Variants in UTRN observed in about 807,000 individuals in gnomAD.
The protein encoded by UTRN is dystrophin-related protein 1.
A neutral mutation model predicts 463.9 loss-of-function variants in UTRN; 283 were observed. That is an observed-to-expected ratio of 0.61 (90% CI 0.55 to 0.67). UTRN has a LOEUF of 0.67. Ranked by LOEUF, UTRN falls within the 30% of genes least tolerant of loss-of-function variation. The pLI, the probability that UTRN is intolerant of heterozygous loss-of-function variation, is 0.00. For synonymous variants in UTRN, 1,442 were observed against 1,431.5 expected (o/e 1.01, Z -0.17); for missense variants, 3,922 against 4,084.3 (o/e 0.96, Z 1.08).
At chr6:144,682,276 T>G (rs1185052568) in intron 52 of UTRN, among the ~76,000 whole-genome samples, 1 of 152,212 alleles carries the variant, frequency 6.6e-6, no homozygotes, top group East Asian at 1.9e-4. Flanking sequence ...CCTGGTTTAT[T>G]TCACTTAACA....
intron 51 of UTRN, among the ~76,000 whole-genome samples, chr6:144,615,867 C>T (rs1024419088): frequency 6.6e-6 from 1 of 152,128 alleles, no homozygotes; most frequent in Non-Finnish European, 1.5e-5. Context: ...TCCCATTACA[C>T]TTATAATAAA....
rs768920981 is a variant in UTRN, at chr6:144,521,952, TATA to T, written c.5542-27_5542-25del. 222 of 1,172,606 alleles carry T rather than the reference TATA, an allele frequency of 1.9e-4. 3 individuals carry two copies. The highest frequency in any genetic ancestry group is 6.4e-4 in the East Asian group (18 of 28,194). The allele number at this position is 1,172,606 out of a possible 1,614,324, so 72.6% of individuals were successfully genotyped here. ...ATTTTAAGAGATATATATATATATA[TATA>T]TTTTTTTTTTTGCTGTTTTTGTAGG... On this transcript the variant is annotated intron_variant, in intron 39 of 74. Transcript: ENST00000367545.
intron 73 of UTRN, among the ~76,000 whole-genome samples, 200 bp downstream of exon 73, chr6:144,841,032 G>A (rs955026317): frequency 9.2e-5 from 14 of 152,180 alleles, no homozygotes; most frequent in Non-Finnish European, 1.6e-4. Context: ...GGGTACAGTC[G>A]CAACGCAATT....
intron 51 of UTRN, among the ~76,000 whole-genome samples, chr6:144,652,337 T>C (rs893255253): frequency 6.6e-6 from 1 of 152,202 alleles, no homozygotes; most frequent in African/African-American, 2.4e-5. Context: ...TTAATCACTA[T>C]CACAAGAAAA....
intron 2 of UTRN, among the ~76,000 whole-genome samples, chr6:144,347,261 A>G (rs2114646477): frequency 6.6e-6 from 1 of 152,346 alleles, no homozygotes; most frequent in South Asian, 2.1e-4. Flanking sequence ...TGTGCCCCAC[A>G]GTCAGAGATC....
chr6:144,626,875 T>C (rs1775997927), intron 51 of UTRN, among the ~76,000 whole-genome samples: 1 of 152,182 alleles, frequency 6.6e-6, no homozygotes, highest in Admixed American at 6.5e-5. Flanking sequence ...CTTGACCTTG[T>C]GATCCACCTG....
chr6:144,301,578 C>T (rs1301718157), intron 2 of UTRN, among the ~76,000 whole-genome samples: 1 of 130,658 alleles, frequency 7.7e-6, no homozygotes, highest in Non-Finnish European at 1.6e-5. Context: ...GGGTCTTGCT[C>T]CATTGCCCAG....
Position 144,285,581 on chromosome 6 carries a change from T to C in UTRN, c.-333T>C, listed in dbSNP as rs1317212100. 1.3e-5 allele frequency: 2 copies of C among 152,282 alleles called. No individual in the cohort carries two copies. The highest frequency in any genetic ancestry group is 2.9e-5 in the Non-Finnish European group (2 of 68,068). The allele number at this position is 152,282 out of a possible 1,614,324, so 9.4% of individuals were successfully genotyped here. ...TTGGCGGAACTACCAGGCAGGAAGATTGCACAAGTAAGGGGCGTTTTCAGT... is the reference window on the plus strand; with the variant it reads ...TTGGCGGAACTACCAGGCAGGAAGACTGCACAAGTAAGGGGCGTTTTCAGT... On this transcript the variant is annotated 5_prime_UTR_variant, in exon 1 of 75. Coordinates refer to ENST00000367545, the MANE Select transcript of UTRN (RefSeq NM_007124.3).
chr6:144,554,094 G>T (rs1384934207), intron 48 of UTRN, among the ~76,000 whole-genome samples: 1 of 152,170 alleles, frequency 6.6e-6, no homozygotes, highest in East Asian at 1.9e-4. Flanking sequence ...GAATTTTTAT[G>T]ATGAAGAGCT....
intron 2 of UTRN, among the ~76,000 whole-genome samples, chr6:144,317,686 C>T (rs551694800): frequency 7.9e-5 from 12 of 152,294 alleles, no homozygotes; most frequent in South Asian, 4.1e-4. Flanking sequence ...CATGAGCCAC[C>T]GCGCCCAGCC....
In UTRN at chr6:144,678,393, T is replaced by G. The variant is rs1562752601; in HGVS notation, c.7480-13T>G. The G allele has an allele frequency of 6.2e-7, 1 of 1,606,734 alleles. No homozygotes were observed. The highest frequency in any genetic ancestry group is 1.1e-5 in the South Asian group (1 of 90,260). ...CTAACACTTGCATTATCTATTTGCT[T>G]TTTTCTGTTTAGGACATCCAGGCAG... On this transcript the variant is annotated splice_polypyrimidine_tract_variant and intron_variant, in intron 51 of 74. Transcript: ENST00000367545.
chr6:144,309,589 A>G (rs989222107), intron 2 of UTRN, among the ~76,000 whole-genome samples: 4 of 152,144 alleles, frequency 2.6e-5, no homozygotes, highest in Admixed American at 2.6e-4. Flanking sequence ...GAATCCGGTC[A>G]TATTTTACGA....
intron 49 of UTRN, among the ~76,000 whole-genome samples, chr6:144,555,301 T>G (rs1161151315): frequency 6.6e-6 from 1 of 152,214 alleles, no homozygotes; most frequent in African/African-American, 2.4e-5. Flanking sequence ...ACAGTTCATT[T>G]GAGGGCTACT....
rs186524381 is a variant in UTRN, at chr6:144,761,785, T to G, written c.8495+3796T>G. On this transcript the variant is annotated intron_variant, in intron 58 of 74. Coordinates refer to ENST00000367545, the MANE Select transcript of UTRN (RefSeq NM_007124.3). Reference sequence around the variant, plus strand: ...CATTGTAAATTTTTGGTTATGTATTTTGCACAAGTTGTTCATTTCCTCAGA... The same window carrying G: ...CATTGTAAATTTTTGGTTATGTATTGTGCACAAGTTGTTCATTTCCTCAGA... 1.6e-3 allele frequency among the ~76,000 whole-genome samples: 245 copies of G among 152,272 alleles called. 1 individual carries two copies. Among genetic ancestry groups the G allele is most frequent in the African/African-American group, 5.6e-3 (234 of 41,558 alleles).
At chr6:144,515,028 A>G (rs1403642991) in intron 37 of UTRN, among the ~76,000 whole-genome samples, 3 of 152,056 alleles carry the variant, frequency 2.0e-5, no homozygotes, top group Non-Finnish European at 4.4e-5. Context: ...CAGCCACCCA[A>G]GTAGCTGGGA....
chr6:144,811,941 G>T (rs976285914), intron 65 of UTRN, among the ~76,000 whole-genome samples: 8 of 152,116 alleles, frequency 5.3e-5, no homozygotes, highest in Non-Finnish European at 7.4e-5. Flanking sequence ...CTGTTTGCGT[G>T]CCAAGTGACT....
At chr6:144,836,252 A>G (rs1331299591) in intron 70 of UTRN, 49 bp from the exon 71 acceptor site, 7 of 1,610,360 alleles carry the variant, frequency 4.3e-6, no homozygotes, top group Non-Finnish European at 5.9e-6. Flanking sequence ...TTTTGGAGAG[A>G]CGATAATGCA....
chr6:144,394,066 T>C (rs367981889), intron 2 of UTRN, among the ~76,000 whole-genome samples: 4 of 152,318 alleles, frequency 2.6e-5, no homozygotes, highest in Middle Eastern at 3.4e-3. Context: ...GAGGACTAAA[T>C]TGAAGTAAGG....
intron 62 of UTRN, among the ~76,000 whole-genome samples, chr6:144,790,393 T>G (rs1159741139): frequency 6.6e-6 from 1 of 152,252 alleles, no homozygotes; most frequent in Non-Finnish European, 1.5e-5. Flanking sequence ...TTAAGTTTTG[T>G]GTCTTATGTC....
Sources: gnomAD v4.1 joint callset for allele counts (sites outside exome capture counted in the v4.1 genomes callset) on GRCh38, gnomAD v4.1.1 for gene constraint, MANE v1.5 for transcripts, NCBI Gene and HGNC (gene_info 2026-07-23, HGNC 2026-07-21) for gene names.